The following STYXL2 variants were observed in gnomAD, a reference collection of about 807,000 sequenced individuals.
STYXL2 encodes the protein serine/threonine/tyrosine interacting like 2.
Under a neutral mutation model 52.4 loss-of-function variants are expected in STYXL2, and 44 were observed. The ratio of observed to expected loss-of-function variants is 0.84; its 90% CI spans 0.66 to 1.08. STYXL2 has a LOEUF of 1.08. Ranked by LOEUF, STYXL2 falls within the 50% of genes least tolerant of loss-of-function variation. STYXL2 has a pLI of 0.00. For missense variants in STYXL2, 1,604 were observed against 1,471.7 expected, an observed-to-expected ratio of 1.09 and a Z score of -1.47; for synonymous variants, 604 against 586.9, an observed-to-expected ratio of 1.03 and a Z score of -0.42.
chr1:167,118,816 T>A (rs1667787553), intron 4 of STYXL2, among the ~76,000 whole-genome samples: 1 of 152,262 alleles, frequency 6.6e-6, no homozygotes, highest in Non-Finnish European at 1.5e-5. Flanking sequence ...CTTAAGTTTA[T>A]TGTTAGGATA....
intron 3 of STYXL2, among the ~76,000 whole-genome samples, chr1:167,116,235 T>G (rs184504551): frequency 1.3e-5 from 2 of 152,362 alleles, no homozygotes; most frequent in Non-Finnish European, 2.9e-5. Flanking sequence ...CCAAATTTGA[T>G]AAACTGTGAG....
At chr1:167,097,399 G>T (rs1402567574) in intron 2 of STYXL2, among the ~76,000 whole-genome samples, 4 of 152,198 alleles carry the variant, frequency 2.6e-5, no homozygotes, top group Non-Finnish European at 5.9e-5. Flanking sequence ...CACACTCAAA[G>T]TTCTTTCCTA....
At chr1:167,112,119 A>T (rs188089549) in intron 2 of STYXL2, among the ~76,000 whole-genome samples, 202 of 152,304 alleles carry the variant, frequency 1.3e-3, no homozygotes, top group Non-Finnish European at 2.4e-4. Context: ...CTCCGCAGTC[A>T]TACATATTTG....
chr1:167,113,676 A>G (rs1667661806), intron 2 of STYXL2, 34 bp from the exon 3 acceptor site: 1 of 1,506,228 alleles, frequency 6.6e-7, no homozygotes, highest in African/African-American at 1.4e-5. Context: ...CAGATGCTAC[A>G]GGCTTATCTC....
chr1:167,106,748 A>C (rs2102228508), intron 2 of STYXL2, among the ~76,000 whole-genome samples: 1 of 152,304 alleles, frequency 6.6e-6, no homozygotes, highest in Non-Finnish European at 1.5e-5. Flanking sequence ...TCTGTTATAG[A>C]GGCAAGGTTT....
chr1:167,102,095 A>C (rs1271835266), intron 2 of STYXL2, among the ~76,000 whole-genome samples: 3 of 152,018 alleles, frequency 2.0e-5, no homozygotes, highest in East Asian at 3.9e-4. Context: ...TAGAAAATGC[A>C]AACCCATCTC....
rs1246457651 is a variant in STYXL2 at position 167,126,451 on chromosome 1, G to T, written c.1320G>T (p.Trp440Cys). Residue 440 changes from tryptophan (W) to cysteine (C), a missense_variant, in exon 6 of 6, where the codon TGG becomes TGT. Transcript: ENST00000361200. ...RRRTLSESSAWESVSSHDIWV... is the reference protein window; with the variant it reads ...RRRTLSESSACESVSSHDIWV... ...GCACCCTGAGCGAGAGCAGCGCCTG[G>T]GAGAGCGTGAGCAGCCACGACATCT... 4 of 1,584,174 alleles carry T rather than the reference G, an allele frequency of 2.5e-6. No individual in the cohort carries two copies. The East Asian group carries it at 9.2e-5, about 36-fold the overall frequency.
chr1:167,126,628 C>T lies in STYXL2; in HGVS notation c.1497C>T (p.Ser499=), dbSNP rs1174227960. Residue 499 remains serine (S), a synonymous_variant, in exon 6 of 6, where the codon AGC becomes AGT. Transcript: ENST00000361200. ...CTTCCCGGAGGTACCACGCCAAGAG[C>T]AAGAGAGAGGAGGCGGCAGACAGGA... The part of the protein sequence containing the change: ...KEASRRYHAK[S]KREEAADRSS... 7 of 1,614,036 alleles carry T rather than the reference C, an allele frequency of 4.3e-6. No individual in the cohort carries two copies. In the East Asian group the frequency reaches 1.6e-4, roughly 36 times the overall value.
At position 167,125,894 on chromosome 1, in the gene STYXL2, G is replaced by C. The variant is rs200683053; in HGVS notation, c.763G>C (p.Val255Leu). ...GGCCATCCTGGAGGCTTTGATGACC[G>C]TGCGTAAGAAGCGGGCCATCTACCC... ...NMAILEALMTVRKKRAIYPNE... is the reference protein window; with the variant it reads ...NMAILEALMTLRKKRAIYPNE... The change falls in exon 6 of 6, where the codon GTG becomes CTG. Residue 255 changes from valine (V) to leucine (L), a missense_variant. Transcript: ENST00000361200. The C allele has an allele frequency of 1.9e-6, 3 of 1,613,966 alleles. No homozygotes were observed. The highest frequency in any genetic ancestry group is 1.3e-5 in the African/African-American group (1 of 74,918).
intron 2 of STYXL2, among the ~76,000 whole-genome samples, chr1:167,095,680 T>C (rs1394917711): frequency 6.6e-6 from 1 of 152,238 alleles, no homozygotes; most frequent in Non-Finnish European, 1.5e-5. Context: ...TGTGTGCCTG[T>C]CCATTTTCTT....
At chr1:167,115,476 T>C (rs905580853) in intron 3 of STYXL2, among the ~76,000 whole-genome samples, 1 of 151,938 alleles carries the variant, frequency 6.6e-6, no homozygotes, top group East Asian at 1.9e-4. Flanking sequence ...AAAGCAGGAG[T>C]TGCCATCAGG....
Position 167,126,470 on chromosome 1 carries a change from G to T in STYXL2, c.1339G>T (p.Asp447Tyr), listed in dbSNP as rs1295171280. ...SSAWESVSSH[D>Y]IWVLKQQLEL... ...CGCCTGGGAGAGCGTGAGCAGCCAC[G>T]ACATCTGGGTCCTGAAGCAGCAGCT... Residue 447 changes from aspartate to tyrosine, a missense_variant, in exon 6 of 6, where the codon GAC becomes TAC. Transcript: ENST00000361200. 2 of 1,599,486 alleles carry T rather than the reference G, an allele frequency of 1.3e-6. No individual in the cohort carries two copies. Among genetic ancestry groups the T allele is most frequent in the East Asian group, 2.3e-5 (1 of 44,258 alleles).
At chr1:167,113,643 C>A in intron 2 of STYXL2, 67 bp from the exon 3 acceptor site, 1 of 1,228,618 alleles carries the variant, frequency 8.1e-7, no homozygotes, top group South Asian at 1.2e-5. Context: ...CCAGGTTTCT[C>A]ATCTAAAAGA....
Position 167,127,842 on chromosome 1 carries a change from C to T in STYXL2, c.2711C>T (p.Ser904Phe), listed in dbSNP as rs898398838. The change falls in exon 6 of 6, where the codon TCC (serine) becomes TTC (phenylalanine). Residue 904 changes from serine (S) to phenylalanine (F), a missense_variant. Ser to Phe is a radical substitution (Grantham distance 155). Transcript: ENST00000361200. Reference sequence around the variant, plus strand: ...TTCCGATATTCTTCCCGCAGTAATTCCCAGAAACCTGAAACAGACACATGC... The same window carrying T: ...TTCCGATATTCTTCCCGCAGTAATTTCCAGAAACCTGAAACAGACACATGC... ...GSFRYSSRSN[S>F]QKPETDTCSS... 2 of 1,613,846 alleles carry T rather than the reference C, an allele frequency of 1.2e-6. No homozygotes were observed. Among genetic ancestry groups the T allele is most frequent in the Middle Eastern group, 1.6e-4 (1 of 6,062 alleles).
At chr1:167,122,648 C>T (rs920127497) in intron 5 of STYXL2, among the ~76,000 whole-genome samples, 1 of 151,902 alleles carries the variant, frequency 6.6e-6, no homozygotes, top group Non-Finnish European at 1.5e-5. Flanking sequence ...AGTAGCTGTA[C>T]TCTTAAAAAA....
intron 2 of STYXL2, among the ~76,000 whole-genome samples, chr1:167,103,438 C>A (rs1359287583): frequency 6.6e-6 from 1 of 152,156 alleles, no homozygotes; most frequent in African/African-American, 2.4e-5. Flanking sequence ...TAGCAGCCAG[C>A]CAAAATTAGC....
rs747708985 is a variant in STYXL2, at chr1:167,127,437, C to A, written c.2306C>A (p.Ser769Tyr). The change falls in exon 6 of 6, where the codon TCC (serine) becomes TAC (tyrosine). Residue 769 changes from serine (S) to tyrosine (Y), a missense_variant. Coordinates refer to ENST00000361200, the MANE Select transcript of STYXL2 (RefSeq NM_001080426.3). ...AGCTGCCTGGGGGATGACCAAGTCTCCATGCTTAGTGGACACAGCAGCTCC... is the reference window on the plus strand; with the variant it reads ...AGCTGCCTGGGGGATGACCAAGTCTACATGCTTAGTGGACACAGCAGCTCC... Reference protein sequence around the residue: ...AASCLGDDQVSMLSGHSSSSL... With the variant: ...AASCLGDDQVYMLSGHSSSSL... 1 of 1,614,102 alleles carries A rather than the reference C, an allele frequency of 6.2e-7. No homozygotes were observed. The highest frequency in any genetic ancestry group is 1.7e-5 in the Admixed American group (1 of 60,020).
At position 167,094,835 on chromosome 1, in the gene STYXL2, G is replaced by A. The variant is rs1224861614; in HGVS notation, c.-15G>A. The A allele has an allele frequency of 3.7e-6, 6 of 1,607,002 alleles. No homozygotes were observed. The highest frequency in any genetic ancestry group is 1.7e-5 in the Admixed American group (1 of 59,320). On this transcript the variant is annotated splice_region_variant and 5_prime_UTR_variant, in exon 2 of 6. Coordinates refer to ENST00000361200, the MANE Select transcript of STYXL2 (RefSeq NM_001080426.3). Reference sequence around the variant, plus strand: ...GCCTTTTTCTTGCCAAACTTTCAGAGGTTGGCAGGTTGTCATGGCGACCAG... The same window carrying A: ...GCCTTTTTCTTGCCAAACTTTCAGAAGTTGGCAGGTTGTCATGGCGACCAG...
chr1:167,127,485 C>T lies in STYXL2; in HGVS notation c.2354C>T (p.Pro785Leu). The T allele has an allele frequency of 1.9e-6, 3 of 1,614,064 alleles. No homozygotes were observed. The highest frequency in any genetic ancestry group is 2.5e-6 in the Non-Finnish European group (3 of 1,180,002). ...TCCTCCTTGGGTGGCTGCCTGTTGCCTCAGAGCCAGGCAAGACCCAGCTCT... is the reference window on the plus strand; with the variant it reads ...TCCTCCTTGGGTGGCTGCCTGTTGCTTCAGAGCCAGGCAAGACCCAGCTCT... The part of the protein sequence containing the change: ...SSSSLGGCLL[P>L]QSQARPSSDM... Residue 785 changes from proline to leucine, a missense_variant, in exon 6 of 6, where the codon CCT (proline) becomes CTT (leucine). Physicochemically the swap from Pro to Leu is moderately conservative, Grantham distance 98 (BLOSUM62 -3). Coordinates refer to ENST00000361200, the MANE Select transcript of STYXL2 (RefSeq NM_001080426.3).
Sources: allele counts gnomAD v4.1 joint callset (sites outside exome capture counted in the v4.1 genomes callset), GRCh38; gene constraint gnomAD v4.1.1; transcripts MANE v1.5; gene names NCBI Gene and HGNC (gene_info 2026-07-23, HGNC 2026-07-21).